The following ZSWIM4 variants were observed in gnomAD, a reference collection of about 807,000 sequenced individuals.
ZSWIM4 encodes the protein zinc finger SWIM domain-containing protein 4.
In ZSWIM4, 62 loss-of-function variants were observed where a neutral mutation model predicts 102.5. The observed-to-expected ratio is 0.60, with a 90% CI of 0.49 to 0.75. The LOEUF (loss-of-function observed/expected upper bound fraction) is 0.75. Among genes scored for constraint, ZSWIM4 ranks in the 30% least tolerant of loss-of-function variants. The pLI is 0.00. For missense variants in ZSWIM4, 1,280 were observed against 1,529.6 expected (o/e 0.84, Z 2.72); for synonymous variants, 652 against 674.5 (o/e 0.97, Z 0.52).
rs776209932 is a variant in ZSWIM4, at chr19:13,814,855, G to A, written c.1521G>A (p.Gln507=). The change falls in exon 7 of 14, where the codon CAG becomes CAA. Residue 507 remains glutamine (Q), a synonymous_variant. Transcript: ENST00000590508. ...GGCATCAGCTAGAGAGCTACAAGCA[G>A]CAGAAAAAAGGTCAGCCTCAGCCGG... is the stretch of plus-strand genomic sequence containing the variant. ...QQRHQLESYK[Q]QKKELLQKGS... is the part of the protein sequence containing the mutation. 2 of 1,248,318 alleles carry A rather than the reference G, an allele frequency of 1.6e-6. No individual in the cohort carries two copies. Among genetic ancestry groups the A allele is most frequent in the South Asian group, 2.5e-5 (2 of 78,626 alleles). 77.3% of individuals were successfully genotyped at this position (1,248,318 alleles called of 1,614,324 possible).
intron 1 of ZSWIM4, among the ~76,000 whole-genome samples, chr19:13,798,035 G>T (rs1046935923): frequency 3.3e-5 from 5 of 152,252 alleles, no homozygotes; most frequent in Admixed American, 2.6e-4. Flanking sequence ...GGGCCGTGGG[G>T]CGTGGGTTGG....
chr19:13,805,490 A>G (rs1974895188), intron 3 of ZSWIM4, among the ~76,000 whole-genome samples: 1 of 151,318 alleles, frequency 6.6e-6, no homozygotes, highest in Non-Finnish European at 1.5e-5. Context: ...GGGGGCGTGA[A>G]GGGAATGTGG....
chr19:13,830,723 T>C lies in ZSWIM4; in HGVS notation c.2994T>C (p.Asp998=). 2 of 1,608,388 alleles carry C rather than the reference T, an allele frequency of 1.2e-6. No individual in the cohort carries two copies. Among genetic ancestry groups the C allele is most frequent in the Non-Finnish European group, 1.7e-6 (2 of 1,178,366 alleles). Residue 998 remains aspartate, a synonymous_variant, in exon 14 of 14, where the codon GAT becomes GAC. Transcript: ENST00000590508. The part of the protein sequence containing the change: ...RSIHCAPMLS[D]ILRRWTLSAP... Reference sequence around the variant, plus strand: ...TCCACTGTGCCCCAATGCTGTCCGATATTCTGCGCCGCTGGACTCTCTCGG... The same window carrying C: ...TCCACTGTGCCCCAATGCTGTCCGACATTCTGCGCCGCTGGACTCTCTCGG...
rs116156528 is a variant in ZSWIM4 at position 13,818,138 on chromosome 19, G to A, written c.1924+162G>A. ...CCTCATACCTTGGCAGTTTCTAAAAGGAGAGAGCCAGCTCTTTTTCCCGCC... is the reference window on the plus strand; with the variant it reads ...CCTCATACCTTGGCAGTTTCTAAAAAGAGAGAGCCAGCTCTTTTTCCCGCC... On this transcript the variant is annotated intron_variant, in intron 9 of 13. Transcript: ENST00000590508. Among the ~76,000 whole-genome samples, 604 of 138,666 alleles carry A rather than the reference G, an allele frequency of 4.4e-3. 5 individuals carry two copies. Among genetic ancestry groups the A allele is most frequent in the African/African-American group, 0.015 (565 of 37,932 alleles). The allele number at this position is 138,666 out of a possible 152,430, so 91.0% of individuals were successfully genotyped here.
intron 2 of ZSWIM4, among the ~76,000 whole-genome samples, chr19:13,801,265 T>G (rs1444272766): frequency 6.6e-6 from 1 of 151,958 alleles, no homozygotes; most frequent in Non-Finnish European, 1.5e-5. Context: ...GGGGTTGGGT[T>G]CGGGATTATG....
In ZSWIM4 at chr19:13,828,651, C is replaced by T. The variant is rs1007165557; in HGVS notation, c.2386C>T (p.Arg796Trp). ...CCCCACCCCTACCTTGCAGGTGATG[C>T]GGATGACTCTGAACGTAATGACCTG... ...IALELGLQVM[R>W]MTLNVMTWRR... is the part of the protein sequence containing the mutation. Residue 796 changes from arginine (R) to tryptophan (W), a missense_variant, in exon 13 of 14, where the codon CGG becomes TGG. Coordinates refer to ENST00000590508, the MANE Select transcript of ZSWIM4 (RefSeq NM_001367834.3). 34 of 1,613,840 alleles carry T rather than the reference C, an allele frequency of 2.1e-5. No individual in the cohort carries two copies. The highest frequency in any genetic ancestry group is 3.3e-4 in the Middle Eastern group (2 of 6,084).
At position 13,800,466 on chromosome 19, in the gene ZSWIM4, C is replaced by T. The variant is rs1382152031; in HGVS notation, c.355+545C>T. Among the ~76,000 whole-genome samples, 15 of 151,836 alleles carry T rather than the reference C, an allele frequency of 9.9e-5. No homozygotes were observed. The East Asian group carries it at 2.9e-3, about 30-fold the overall frequency. ...ATTTTTAGTAGAGACGGGGTTTCAC[C>T]ATGTTAGCCAGGATGGTCTCGATCT... On this transcript the variant is annotated intron_variant, in intron 2 of 13. Transcript: ENST00000590508.
chr19:13,825,825 C>A lies in ZSWIM4; in HGVS notation c.2379+112C>A. ...AGTGTGAGCCACTTCGCTGGGGGCC[C>A]GGCATTTGCGTGAGCTATTCCTCTG... On this transcript the variant is annotated intron_variant, in intron 12 of 13. Transcript: ENST00000590508. This position sits in a 1 kb window ranked among gnomAD's most constrained non-coding sequence, Gnocchi z 4.6. 1 of 1,359,526 alleles carries A rather than the reference C, an allele frequency of 7.4e-7. No homozygotes were observed. Among genetic ancestry groups the A allele is most frequent in the South Asian group, 1.4e-5 (1 of 69,628 alleles). 84.2% of individuals were successfully genotyped at this position (1,359,526 alleles called of 1,614,324 possible). A position where few individuals can be genotyped will look rare whatever the true frequency, so the allele number is the denominator to read the frequency against.
rs1975597522 is a variant in ZSWIM4, at chr19:13,825,896, G to A, written c.2379+183G>A. Among the ~76,000 whole-genome samples the A allele has an allele frequency of 6.6e-6, 1 of 152,216 alleles. No individual in the cohort carries two copies. The highest frequency in any genetic ancestry group is 2.4e-5 in the African/African-American group (1 of 41,452). ...ACCACTCTTGGGGCGGGGACTGTGA[G>A]TGAGACACACCTCTGGGGGCGTGGC... On this transcript the variant is annotated intron_variant, in intron 12 of 13. Coordinates refer to ENST00000590508, the MANE Select transcript of ZSWIM4 (RefSeq NM_001367834.3). The surrounding 1 kb of genome is among the most constrained non-coding windows in gnomAD (Gnocchi z 4.6).
chr19:13,822,155 CACACACAT>C (rs1273797793), intron 10 of ZSWIM4, among the ~76,000 whole-genome samples: 8 of 122,024 alleles, frequency 6.6e-5, no homozygotes, highest in East Asian at 4.6e-4. Flanking sequence ...CACAAACACA[CACACACAT>C]ACACACACAC....
chr19:13,811,107 G>T (rs987835305), intron 5 of ZSWIM4, among the ~76,000 whole-genome samples: 4 of 151,380 alleles, frequency 2.6e-5, no homozygotes, highest in African/African-American at 9.7e-5. Context: ...TAGAGATGGG[G>T]TTTCACCGTG....
At chr19:13,822,570 T>C (rs237698) in intron 10 of ZSWIM4, among the ~76,000 whole-genome samples, 71,259 of 152,066 alleles carry the variant, frequency 0.47, 20,865 homozygotes, top group African/African-American at 0.84. Context: ...TGGCCAGGCA[T>C]GGTGGCTCAT....
intron 10 of ZSWIM4, among the ~76,000 whole-genome samples, chr19:13,820,637 G>T (rs1975436734): frequency 6.6e-6 from 1 of 152,234 alleles, no homozygotes; most frequent in Non-Finnish European, 1.5e-5. Flanking sequence ...AGCCTATCCA[G>T]ATCTCTCCGG....
chr19:13,801,068 G>A (rs550037215), intron 2 of ZSWIM4, among the ~76,000 whole-genome samples: 3 of 152,046 alleles, frequency 2.0e-5, no homozygotes, highest in African/African-American at 7.2e-5. Context: ...GCTTTTGCCC[G>A]AGAGGTCGAG....
At chr19:13,817,565 G>A (rs1975327931) in intron 8 of ZSWIM4, 157 bp from the exon 9 acceptor site, 2 of 1,078,174 alleles carry the variant, frequency 1.9e-6, no homozygotes, top group Non-Finnish European at 2.6e-6. Context: ...GCTAGAAGGT[G>A]GGGCTCCCGC....
intron 6 of ZSWIM4, among the ~76,000 whole-genome samples, chr19:13,813,512 G>C (rs767502796): frequency 1.3e-5 from 2 of 151,928 alleles, no homozygotes; most frequent in Non-Finnish European, 2.9e-5. Flanking sequence ...GAGATATTGA[G>C]GAGAGAGAAA....
At position 13,817,721 on chromosome 19, in the gene ZSWIM4, G is replaced by T; in HGVS notation, c.1670-1G>T. ...AGCAGCCCTGGCCCTGTCTCCCCCA[G>T]ACTCAGGCCCCGAGAAGCGGAAGGT... is the stretch of plus-strand genomic sequence containing the variant. On this transcript the variant is annotated splice_acceptor_variant, in intron 8 of 13. Coordinates refer to ENST00000590508, the MANE Select transcript of ZSWIM4 (RefSeq NM_001367834.3). LOFTEE classifies it high-confidence loss of function. 1 of 1,608,218 alleles carries T rather than the reference G, an allele frequency of 6.2e-7. No individual in the cohort carries two copies. The highest frequency in any genetic ancestry group is 1.1e-5 in the South Asian group (1 of 89,442).
At chr19:13,810,908 C>CT (rs1568333524) in intron 5 of ZSWIM4, among the ~76,000 whole-genome samples, 1 of 133,876 alleles carries the variant, frequency 7.5e-6, no homozygotes, top group African/African-American at 3.0e-5. Context: ...CCACGCCCAG[C>CT]CTTTTTTTTT....
chr19:13,803,954 C>T (rs1433528973), intron 2 of ZSWIM4, among the ~76,000 whole-genome samples: 3 of 150,434 alleles, frequency 2.0e-5, no homozygotes, highest in South Asian at 4.3e-4. Flanking sequence ...CTCTGCCTCC[C>T]GGGTTCAAGC....
Sources: gnomAD v4.1 joint callset for allele counts (sites outside exome capture counted in the v4.1 genomes callset) on GRCh38, gnomAD v4.1.1 for gene constraint, Gnocchi (gnomAD v3.1) non-coding constraint, MANE v1.5 for transcripts, NCBI Gene and HGNC (gene_info 2026-07-23, HGNC 2026-07-21) for gene names.